Variants in FILIP1L observed in about 807,000 individuals in gnomAD.
FILIP1L encodes filamin A interacting protein 1 like, also known as filamin A-interacting protein 1-like.
Under a neutral mutation model 96.6 loss-of-function variants are expected in FILIP1L, and 55 were observed. The ratio of observed to expected loss-of-function variants is 0.57; its 90% CI spans 0.46 to 0.71. The LOEUF (loss-of-function observed/expected upper bound fraction) is 0.71. FILIP1L is among the 30% of genes least tolerant of loss of function. FILIP1L has a pLI of 0.00. For synonymous variants in FILIP1L, 467 were observed against 473.9 expected (o/e 0.99, Z 0.19); for missense variants, 1,304 against 1,321.2 (o/e 0.99, Z 0.20).
chr3:99,946,599 A>G (rs1708015165), intron 1 of FILIP1L, among the ~76,000 whole-genome samples: 1 of 151,990 alleles, frequency 6.6e-6, no homozygotes. Context: ...AAATGATGCC[A>G]TTTTTTTTAG....
In FILIP1L at chr3:100,021,960, TGA is replaced by T. The variant is rs61630053; in HGVS notation, c.-10-90932_-10-90931del. On this transcript the variant is annotated intron_variant, in intron 1 of 5. Coordinates refer to ENST00000477258, the MANE Select transcript of FILIP1L (RefSeq NM_001387850.1). ...GTGTGTGTGTGTGTGTGTGTGTGTG[TGA>T]GAGAGAGAGAGAGAGAGAGAGAGAG... 6.0e-3 allele frequency among the ~76,000 whole-genome samples: 556 copies of T among 93,234 alleles called. 5 individuals are homozygous for T. The highest frequency in any genetic ancestry group is 0.011 in the Middle Eastern group (2 of 186). The allele number at this position is 93,234 out of a possible 152,430, so 61.2% of individuals were successfully genotyped here. A position where few individuals can be genotyped will look rare whatever the true frequency, so the allele number is the denominator to read the frequency against.
rs139478051 is a variant in FILIP1L at position 99,926,874 on chromosome 3, C to G, written c.427-2466G>C. ...GAAAGAAGGCTAGAAGGAATCCGTG[C>G]CCTTCATTTATTCCATGACCCCCTA... On this transcript the variant is annotated intron_variant, in intron 3 of 5. Coordinates refer to ENST00000477258, the MANE Select transcript of FILIP1L (RefSeq NM_001387850.1). Among the ~76,000 whole-genome samples the G allele has an allele frequency of 3.7e-3, 558 of 152,274 alleles. 2 individuals are homozygous for G. The highest frequency in any genetic ancestry group is 5.8e-3 in the Non-Finnish European group (394 of 68,026).
chr3:100,004,607 T>A (rs540140304), intron 1 of FILIP1L, among the ~76,000 whole-genome samples: 2 of 152,282 alleles, frequency 1.3e-5, no homozygotes, highest in African/African-American at 4.8e-5. Flanking sequence ...AACATCATCA[T>A]CATCAGGACA....
chr3:100,013,214 GTGTTGTTGTTGTTGTTGT>G (rs35047568), intron 1 of FILIP1L, among the ~76,000 whole-genome samples: 32 of 145,414 alleles, frequency 2.2e-4, no homozygotes, highest in Admixed American at 1.4e-3. Flanking sequence ...GGCCAGTGAG[GTGTTGTTGTTGTTGTTGT>G]TGTTGTTGTT....
At chr3:100,056,559 CT>C (rs1053416496) in intron 1 of FILIP1L, among the ~76,000 whole-genome samples, 3 of 152,158 alleles carry the variant, frequency 2.0e-5, no homozygotes, top group African/African-American at 7.2e-5. Flanking sequence ...GCTGCTAGCC[CT>C]TACTGGCTTT....
At chr3:100,037,107 T>C (rs2065120817) in intron 1 of FILIP1L, among the ~76,000 whole-genome samples, 1 of 151,654 alleles carries the variant, frequency 6.6e-6, no homozygotes, top group African/African-American at 2.4e-5. Context: ...CAGAACAGTA[T>C]TGGGACAATT....
chr3:99,854,065 G>C (rs1943838358), intron 4 of FILIP1L, among the ~76,000 whole-genome samples: 1 of 152,162 alleles, frequency 6.6e-6, no homozygotes, highest in Non-Finnish European at 1.5e-5. Context: ...TAGCACTTCT[G>C]ATAGTGATGA....
intron 4 of FILIP1L, among the ~76,000 whole-genome samples, chr3:99,911,830 T>C (rs184375344): frequency 5.7e-4 from 87 of 152,296 alleles, no homozygotes; most frequent in African/African-American, 1.9e-3. Context: ...TCATTATTTT[T>C]TTTTCCTAGT....
At chr3:100,067,488 G>T (rs2065686882) in intron 1 of FILIP1L, among the ~76,000 whole-genome samples, 1 of 152,158 alleles carries the variant, frequency 6.6e-6, no homozygotes, top group Admixed American at 6.5e-5. Context: ...TGAGGATAGT[G>T]AGTGTTTTTC....
chr3:99,964,303 T>C (rs986079191), intron 1 of FILIP1L: 3 of 150,360 alleles, frequency 2.0e-5, no homozygotes, highest in African/African-American at 7.4e-5. Flanking sequence ...AGTGTCTGTG[T>C]CTAGTTTCTC....
chr3:100,017,141 A>G (rs1451950517), intron 1 of FILIP1L, among the ~76,000 whole-genome samples: 1 of 152,210 alleles, frequency 6.6e-6, no homozygotes, highest in Non-Finnish European at 1.5e-5. Flanking sequence ...AATGTTTGTC[A>G]TCAAAAATCA....
At chr3:99,848,008 TG>T (rs1943446134) in intron 5 of FILIP1L, 1 of 1,112,414 alleles carries the variant, frequency 9.0e-7, no homozygotes, top group African/African-American at 1.6e-5. Flanking sequence ...AAGTGAGTTA[TG>T]GAAAATGAAA....
chr3:99,898,051 G>A (rs765737834), intron 4 of FILIP1L: 8 of 151,726 alleles, frequency 5.3e-5, no homozygotes, highest in African/African-American at 1.2e-4. Flanking sequence ...CCAGTTAGTC[G>A]TCAGAATGTA....
At chr3:100,054,743 T>A (rs1170354569) in intron 1 of FILIP1L, among the ~76,000 whole-genome samples, 2 of 152,042 alleles carry the variant, frequency 1.3e-5, no homozygotes, top group Non-Finnish European at 2.9e-5. Flanking sequence ...ACCAATACCC[T>A]CAAGCCCTGG....
chr3:99,841,342 A>G (rs1339664455), intron 5 of FILIP1L, among the ~76,000 whole-genome samples: 1 of 152,256 alleles, frequency 6.6e-6, no homozygotes, highest in African/African-American at 2.4e-5. Context: ...TTCCATTTCT[A>G]CTATGCCTGT....
chr3:100,101,853 G>A (rs1396133470), intron 1 of FILIP1L, among the ~76,000 whole-genome samples: 7 of 151,982 alleles, frequency 4.6e-5, no homozygotes, highest in South Asian at 2.1e-4. Flanking sequence ...TCCCACCTAC[G>A]AGTGAGAACA....
intron 4 of FILIP1L, among the ~76,000 whole-genome samples, chr3:99,920,666 C>A (rs1056266518): frequency 1.3e-5 from 2 of 152,200 alleles, no homozygotes; most frequent in African/African-American, 4.8e-5. Flanking sequence ...CCTGCCCCCA[C>A]CCACCCTCAG....
At chr3:100,013,294 A>G (rs550779494) in intron 1 of FILIP1L, among the ~76,000 whole-genome samples, 2 of 151,814 alleles carry the variant, frequency 1.3e-5, no homozygotes, top group Non-Finnish European at 2.9e-5. Context: ...CCCAGGCTGG[A>G]GTGCAGTGGT....
At chr3:100,111,003 C>T (rs1418506148) in intron 1 of FILIP1L, among the ~76,000 whole-genome samples, 1 of 152,120 alleles carries the variant, frequency 6.6e-6, no homozygotes, top group Non-Finnish European at 1.5e-5. Context: ...AATCTTATTA[C>T]TCAGAATAAT....
Sources: gnomAD v4.1 joint callset for allele counts (sites outside exome capture counted in the v4.1 genomes callset) on GRCh38, gnomAD v4.1.1 for gene constraint, MANE v1.5 for transcripts, NCBI Gene and HGNC (gene_info 2026-07-23, HGNC 2026-07-21) for gene names.